The following FUT8 variants were observed in gnomAD, a reference collection of about 807,000 sequenced individuals.
FUT8 encodes fucosyltransferase 8.
In FUT8, 29 loss-of-function variants were observed where a neutral mutation model predicts 71.3. That is an observed-to-expected ratio of 0.41 (90% CI 0.30 to 0.55). FUT8 has a LOEUF of 0.55. Among genes scored for constraint, FUT8 ranks in the 20% least tolerant of loss-of-function variants. The pLI, the probability that FUT8 is intolerant of heterozygous loss-of-function variation, is 0.34. For synonymous variants in FUT8, 254 were observed against 239.3 expected (o/e 1.06, Z -0.57); for missense variants, 544 against 702.1 (o/e 0.77, Z 2.55).
intron 2 of FUT8, among the ~76,000 whole-genome samples, chr14:65,510,906 T>C (rs980011995): frequency 1.3e-5 from 2 of 152,250 alleles, no homozygotes; most frequent in South Asian, 4.1e-4. Flanking sequence ...ATTTCCTGTA[T>C]TTCTGCTCTC....
intron 7 of FUT8, among the ~76,000 whole-genome samples, chr14:65,679,847 C>T (rs189917920): frequency 5.9e-5 from 9 of 152,238 alleles, no homozygotes; most frequent in Admixed American, 2.0e-4. Context: ...AAACTATGGT[C>T]CTCAGACCAA....
At chr14:65,694,344 AATTTTAAT>A (rs1893873072) in intron 7 of FUT8, among the ~76,000 whole-genome samples, 14 of 152,294 alleles carry the variant, frequency 9.2e-5, no homozygotes, top group Admixed American at 7.2e-4. Flanking sequence ...GCGTTCCACA[AATTTTAAT>A]GTTTTATTTT....
At chr14:65,390,300 C>T in the FUT8 span, among the ~76,000 whole-genome samples, 1 of 142,024 alleles carries the variant, frequency 7.0e-6, no homozygotes, top group African/African-American at 2.6e-5. Flanking sequence ...TCCAGCCTGG[C>T]GACAAAGCGA....
chr14:65,616,203 G>C lies in FUT8; in HGVS notation c.320-8G>C. On this transcript the variant is annotated splice_region_variant and splice_polypyrimidine_tract_variant and intron_variant, in intron 4 of 10. Transcript: ENST00000673929. ...GAAATGCTACAACTCTCTATTCTTT[G>C]ACTACAGGTCTGGGGAAGGATCATG... 1 of 1,599,530 alleles carries C rather than the reference G, an allele frequency of 6.3e-7. No individual in the cohort carries two copies.
At chr14:65,703,653 A>C (rs1894423429) in intron 7 of FUT8, among the ~76,000 whole-genome samples, 1 of 152,232 alleles carries the variant, frequency 6.6e-6, no homozygotes, top group South Asian at 2.1e-4. Flanking sequence ...ATGGAAGCAG[A>C]GGCAGCTGGG....
chr14:65,429,829 G>T (rs1464113511), intron 1 of FUT8, among the ~76,000 whole-genome samples: 1 of 130,138 alleles, frequency 7.7e-6, no homozygotes, highest in Non-Finnish European at 1.6e-5. Context: ...GTACCACTGC[G>T]CTCCAGCCTG....
Position 65,669,193 on chromosome 14 carries a change from A to T in FUT8, c.598-50A>T, listed in dbSNP as rs557059091. 614 of 1,265,996 alleles carry T rather than the reference A, an allele frequency of 4.8e-4. 2 individuals are homozygous for T. The South Asian group carries it at 7.5e-3, about 16-fold the overall frequency. The allele number at this position is 1,265,996 out of a possible 1,614,324, so 78.4% of individuals were successfully genotyped here. ...GATTAAAAAAAAAAAAGAGCAGTTG[A>T]CCTCTCTGTACAACTTATCTTTATT... is the stretch of plus-strand genomic sequence containing the variant. On this transcript the variant is annotated intron_variant, in intron 6 of 10. Transcript: ENST00000673929. The surrounding 1 kb of genome is among the most constrained non-coding windows in gnomAD (Gnocchi z 4.5).
At chr14:65,729,917 A>G (rs1055018747) in intron 9 of FUT8, among the ~76,000 whole-genome samples, 4 of 150,792 alleles carry the variant, frequency 2.7e-5, no homozygotes, top group African/African-American at 7.3e-5. Context: ...CTCTTTGTAA[A>G]TCCTTTTATT....
intron 6 of FUT8, among the ~76,000 whole-genome samples, chr14:65,635,453 A>G (rs1048679726): frequency 1.3e-5 from 2 of 152,072 alleles, no homozygotes; most frequent in African/African-American, 4.8e-5. Context: ...TTCCCCATTT[A>G]GTATTATGTT....
At chr14:65,546,757 T>C (rs1047029162) in intron 2 of FUT8, among the ~76,000 whole-genome samples, 5 of 151,720 alleles carry the variant, frequency 3.3e-5, no homozygotes, top group African/African-American at 9.7e-5. Context: ...ATTTTTCTTT[T>C]TCCATTTTCT....
intron 3 of FUT8, among the ~76,000 whole-genome samples, chr14:65,563,704 T>TTCCA (rs1886039995): frequency 6.6e-6 from 1 of 152,036 alleles, no homozygotes; most frequent in African/African-American, 2.4e-5. Flanking sequence ...TTCCTTATGG[T>TTCCA]TCCATCTTCA....
the FUT8 span, among the ~76,000 whole-genome samples, chr14:65,400,703 T>C: frequency 6.6e-6 from 1 of 151,740 alleles, no homozygotes; most frequent in African/African-American, 2.4e-5. Context: ...CTGGGCAACA[T>C]AGAGAGACGC....
At chr14:65,686,221 T>C (rs1228397141) in intron 7 of FUT8, among the ~76,000 whole-genome samples, 2 of 152,216 alleles carry the variant, frequency 1.3e-5, no homozygotes, top group Non-Finnish European at 2.9e-5. Context: ...AGCTTGGCCT[T>C]TTTGGCAGCT....
At chr14:65,693,503 T>G (rs1893822427) in intron 7 of FUT8, among the ~76,000 whole-genome samples, 1 of 151,224 alleles carries the variant, frequency 6.6e-6, no homozygotes, top group Admixed American at 6.6e-5. Flanking sequence ...AGGGAGACCG[T>G]GGAAAGAGAG....
rs1035122408 is a variant in FUT8, at chr14:65,472,795, T to G, written c.-228+17077T>G. On this transcript the variant is annotated intron_variant, in intron 2 of 10. Transcript: ENST00000673929. The surrounding 1 kb of genome is among the most constrained non-coding windows in gnomAD (Gnocchi z 4.4). Reference sequence around the variant, plus strand: ...TATGAGCACAGAATAAGGTAATGTTTATTCTTATTTTTTTTGTGATATGGT... The same window carrying G: ...TATGAGCACAGAATAAGGTAATGTTGATTCTTATTTTTTTTGTGATATGGT... Among the ~76,000 whole-genome samples the G allele has an allele frequency of 9.2e-5, 14 of 152,178 alleles. No individual in the cohort carries two copies. Among genetic ancestry groups the G allele is most frequent in the African/African-American group, 3.1e-4 (13 of 41,458 alleles).
intron 10 of FUT8, 103 bp from the exon 11 acceptor site, chr14:65,741,990 C>A: frequency 1.1e-6 from 1 of 870,920 alleles, no homozygotes; most frequent in Non-Finnish European, 1.8e-6. Context: ...CACTACTTTT[C>A]AACCTCTTAC....
At chr14:65,701,708 T>C (rs1445182342) in intron 7 of FUT8, among the ~76,000 whole-genome samples, 1 of 152,228 alleles carries the variant, frequency 6.6e-6, no homozygotes, top group African/African-American at 2.4e-5. Context: ...CATCCACTAA[T>C]TGCTTTATAT....
chr14:65,359,738 G>A, the FUT8 span, among the ~76,000 whole-genome samples: 2 of 152,230 alleles, frequency 1.3e-5, no homozygotes, highest in African/African-American at 4.8e-5. Flanking sequence ...TCTGTTGACT[G>A]ACACTTGGGT....
chr14:65,667,944 A>G (rs558093518), intron 6 of FUT8, among the ~76,000 whole-genome samples: 1 of 152,288 alleles, frequency 6.6e-6, no homozygotes, highest in East Asian at 1.9e-4. Flanking sequence ...CTAATCTTTG[A>G]CAAAGCTGAC....
Sources: gnomAD v4.1 joint callset for allele counts (sites outside exome capture counted in the v4.1 genomes callset) on GRCh38, gnomAD v4.1.1 for gene constraint, Gnocchi (gnomAD v3.1) non-coding constraint, MANE v1.5 for transcripts, NCBI Gene and HGNC (gene_info 2026-07-23, HGNC 2026-07-21) for gene names.